The following IFI35 variants were observed in gnomAD, a reference collection of about 807,000 sequenced individuals.
The protein encoded by IFI35 is interferon-induced 35 kDa protein.
A neutral mutation model predicts 28.6 loss-of-function variants in IFI35; 30 were observed. That is an observed-to-expected ratio of 1.05 (90% confidence interval 0.79 to 1.43). The LOEUF (loss-of-function observed/expected upper bound fraction) is 1.43. Ranked by LOEUF, IFI35 falls within the 40% of genes most tolerant of loss-of-function variation. The pLI, the probability that IFI35 is intolerant of heterozygous loss-of-function variation, is 0.00. For synonymous variants in IFI35, 146 were observed against 154.8 expected (o/e 0.94, Z 0.42); for missense variants, 372 against 356.9 (o/e 1.04, Z -0.34).
chr17:43,012,027 C>A (rs907866649), intron 1 of IFI35, 152 bp from the exon 2 acceptor site: 1 of 489,582 alleles, frequency 2.0e-6, no homozygotes, highest in Non-Finnish European at 3.6e-6. Flanking sequence ...GGGGCCAAGA[C>A]CAGCCCAGGG....
Position 43,013,662 on chromosome 17 carries a change from G to A in IFI35, c.562G>A (p.Val188Met), listed in dbSNP as rs141896991. The A allele has an allele frequency of 1.2e-6, 2 of 1,613,832 alleles. No individual in the cohort carries two copies. The highest frequency in any genetic ancestry group is 2.7e-5 in the African/African-American group (2 of 74,912). Residue 188 changes from valine (V) to methionine (M), a missense_variant and splice_region_variant, in exon 5 of 7, where the codon GTG becomes ATG. Coordinates refer to ENST00000415816, the MANE Select transcript of IFI35 (RefSeq NM_001330230.2). ...CATGCTGGGGTTTGCTAGGGATGGA[G>A]GTGAGGGCTATGCAGGCCTCCTGCA... The part of the protein sequence containing the change: ...SVMLGFARDG[V>M]AQRLCQIGQF...
At chr17:43,007,872 T>TATATAC (rs1491453151) in intron 1 of IFI35, among the ~76,000 whole-genome samples, 2 of 136,594 alleles carry the variant, frequency 1.5e-5, no homozygotes, top group African/African-American at 5.4e-5. Flanking sequence ...TATATATATA[T>TATATAC]ACTATAAGAA....
rs569143868 is a variant in IFI35 at position 43,013,852 on chromosome 17, G to A, written c.639G>A (p.Pro213=). 1.8e-5 allele frequency: 29 copies of A among 1,607,612 alleles called. No individual in the cohort carries two copies. The highest frequency in any genetic ancestry group is 5.1e-5 in the Admixed American group (3 of 58,670). The change falls in exon 6 of 7, where the codon CCG becomes CCA. Residue 213 remains proline, a synonymous_variant. Transcript: ENST00000415816. ...AGCAAGTCCCTCTGAGAGTCTCTCC[G>A]TATGTGAACGGGGAGATCCAGAAGG... The part of the protein sequence containing the change: ...GGQQVPLRVS[P]YVNGEIQKAE...
Position 43,014,234 on chromosome 17 carries a change from G to A in IFI35, c.796G>A (p.Glu266Lys), listed in dbSNP as rs1048299. ...QKPTRGGGEV[E>K]ALTVVPQGQQ... ...GCCCACCCGCGGGGGCGGGGAGGTA[G>A]AGGCCCTGACAGTCGTACCCCAAGG... Residue 266 changes from glutamate (E) to lysine (K), a missense_variant, in exon 7 of 7, where the codon GAG (glutamate) becomes AAG (lysine). Transcript: ENST00000415816. The A allele has an allele frequency of 6.2e-7, 1 of 1,612,050 alleles. No homozygotes were observed. Among genetic ancestry groups the A allele is most frequent in the South Asian group, 1.1e-5 (1 of 90,836 alleles).
chr17:43,009,181 T>C (rs2050435820), intron 1 of IFI35, among the ~76,000 whole-genome samples: 1 of 151,806 alleles, frequency 6.6e-6, no homozygotes, highest in African/African-American at 2.4e-5. Context: ...AAATATTTTG[T>C]AGAGGTAGAG....
Position 43,006,983 on chromosome 17 carries a change from G to C in IFI35, c.21+15G>C, listed in dbSNP as rs756977655. 6.2e-7 allele frequency: 1 copy of C among 1,613,700 alleles called. No homozygotes were observed. The highest frequency in any genetic ancestry group is 1.3e-5 in the African/African-American group (1 of 74,924). On this transcript the variant is annotated intron_variant, in intron 1 of 6. Coordinates refer to ENST00000415816, the MANE Select transcript of IFI35 (RefSeq NM_001330230.2). The stretch of plus-strand genomic sequence containing the variant: ...CACTGGATGCCGTAAGTGAGGAGGA[G>C]GGAGTTGGGAAGTGGGGAAACAGGA...
intron 1 of IFI35, among the ~76,000 whole-genome samples, chr17:43,011,509 A>C (rs1410226413): frequency 6.6e-6 from 1 of 151,934 alleles, no homozygotes; most frequent in African/African-American, 2.4e-5. Context: ...ACAGAGCAAG[A>C]CTCTGTCTCA....
chr17:43,011,293 C>T (rs1163851680), intron 1 of IFI35, among the ~76,000 whole-genome samples: 1 of 152,130 alleles, frequency 6.6e-6, no homozygotes, highest in Non-Finnish European at 1.5e-5. Context: ...CCGAGGCGGG[C>T]AGATCATCTG....
chr17:43,010,128 C>T (rs1185565560), intron 1 of IFI35, among the ~76,000 whole-genome samples: 12 of 148,594 alleles, frequency 8.1e-5, no homozygotes, highest in African/African-American at 2.5e-4. Context: ...CCCAGCTAAT[C>T]GGGAGGCTGA....
chr17:43,012,373 G>A (rs2050468643), intron 2 of IFI35, 96 bp downstream of exon 2: 2 of 785,230 alleles, frequency 2.5e-6, no homozygotes, highest in South Asian at 1.7e-5. Flanking sequence ...GGTAGGCCAA[G>A]GGGGCCTGAT....
At chr17:43,011,294 A>C (rs945985332) in intron 1 of IFI35, among the ~76,000 whole-genome samples, 1 of 152,162 alleles carries the variant, frequency 6.6e-6, no homozygotes, top group Non-Finnish European at 1.5e-5. Flanking sequence ...CGAGGCGGGC[A>C]GATCATCTGA....
Position 43,013,587 on chromosome 17 carries a change from AG to A in IFI35, c.489del (p.Asn164ThrfsTer46). ...DKLEIFFGKT[R>X]NGGGDVDVRE... ...GCTAGAGATCTTCTTTGGCAAGACT[AG>A]GAACGGAGGTGGCGATGTGGACGTT... is the stretch of plus-strand genomic sequence containing the variant. On this transcript the variant is annotated frameshift_variant, in exon 5 of 7. Coordinates refer to ENST00000415816, the MANE Select transcript of IFI35 (RefSeq NM_001330230.2). LOFTEE classifies it high-confidence loss of function. 1 of 1,614,164 alleles carries A rather than the reference AG, an allele frequency of 6.2e-7. No individual in the cohort carries two copies. The highest frequency in any genetic ancestry group is 1.3e-5 in the African/African-American group (1 of 75,048).
At chr17:43,012,545 C>G (rs1203377175) in intron 2 of IFI35, 1 of 268,212 alleles carries the variant, frequency 3.7e-6, no homozygotes, top group Admixed American at 5.0e-5. Context: ...TGAGACCAGC[C>G]TGGCCAACAG....
At position 43,006,857 on chromosome 17, in the gene IFI35, T is replaced by TG. The variant is rs1271207191; in HGVS notation, c.-85dup. On this transcript the variant is annotated 5_prime_UTR_variant, in exon 1 of 7. Transcript: ENST00000415816. ...GGGGCTGAGAGAGACCACAGCCCTT[T>TG]GGGGGGTACAAACAAGAGTTCAGTT... is the stretch of plus-strand genomic sequence containing the variant. 11 of 1,405,998 alleles carry TG rather than the reference T, an allele frequency of 7.8e-6. No homozygotes were observed. Among genetic ancestry groups the TG allele is most frequent in the African/African-American group, 1.4e-5 (1 of 70,726 alleles). 87.1% of individuals were successfully genotyped at this position (1,405,998 alleles called of 1,614,324 possible).
chr17:43,014,138 C>T lies in IFI35; in HGVS notation c.700C>T (p.Leu234=). The T allele has an allele frequency of 3.1e-6, 5 of 1,614,142 alleles. No individual in the cohort carries two copies. The highest frequency in any genetic ancestry group is 4.2e-6 in the Non-Finnish European group (5 of 1,180,010). Residue 234 remains leucine (L), a synonymous_variant, in exon 7 of 7, where the codon CTG becomes TTG. Coordinates refer to ENST00000415816, the MANE Select transcript of IFI35 (RefSeq NM_001330230.2). Reference sequence around the variant, plus strand: ...GTCGCAGCCAGTTCCCCGCTCGGTACTGGTGCTCAACATTCCTGATATCTT... The same window carrying T: ...GTCGCAGCCAGTTCCCCGCTCGGTATTGGTGCTCAACATTCCTGATATCTT... ...IRSQPVPRSV[L]VLNIPDILDG... is the part of the protein sequence containing the mutation.
chr17:43,007,555 C>T (rs916241228), intron 1 of IFI35, among the ~76,000 whole-genome samples: 1 of 150,232 alleles, frequency 6.7e-6, no homozygotes, highest in Non-Finnish European at 1.5e-5. Flanking sequence ...GGTGTGTTGG[C>T]TCACACCTGT....
chr17:43,008,384 T>C (rs909109218), intron 1 of IFI35, among the ~76,000 whole-genome samples: 2 of 145,272 alleles, frequency 1.4e-5, no homozygotes, highest in African/African-American at 5.2e-5. Context: ...GTTTCACTCT[T>C]GTTGCCCAGG....
In IFI35 at chr17:43,013,303, T is replaced by G; in HGVS notation, c.305T>G (p.Ile102Ser). 1 of 1,614,058 alleles carries G rather than the reference T, an allele frequency of 6.2e-7. No individual in the cohort carries two copies. Among genetic ancestry groups the G allele is most frequent in the Non-Finnish European group, 8.5e-7 (1 of 1,180,002 alleles). ...EQVLQQKEHT[I>S]NMEECRLRVQ... ...GTGCTGCAACAAAAGGAGCACACGATCAACATGGAGGAGTGCCGGCTGCGG... is the reference window on the plus strand; with the variant it reads ...GTGCTGCAACAAAAGGAGCACACGAGCAACATGGAGGAGTGCCGGCTGCGG... The change falls in exon 4 of 7, where the codon ATC becomes AGC. Residue 102 changes from isoleucine to serine, a missense_variant. Coordinates refer to ENST00000415816, the MANE Select transcript of IFI35 (RefSeq NM_001330230.2).
At chr17:43,009,100 T>G (rs1242671713) in intron 1 of IFI35, among the ~76,000 whole-genome samples, 1 of 151,224 alleles carries the variant, frequency 6.6e-6, no homozygotes, top group Non-Finnish European at 1.5e-5. Flanking sequence ...TAGGGATCAA[T>G]AGATCCTTCC....
Sources: allele counts gnomAD v4.1 joint callset (sites outside exome capture counted in the v4.1 genomes callset), GRCh38; gene constraint gnomAD v4.1.1; transcripts MANE v1.5; gene names NCBI Gene and HGNC (gene_info 2026-07-23, HGNC 2026-07-21).